KPNA7: variants seen among roughly 807,000 people sequenced by gnomAD.
KPNA7 encodes the protein karyopherin subunit alpha 7.
Under a neutral mutation model 53.7 loss-of-function variants are expected in KPNA7, and 54 were observed. That is an observed-to-expected ratio of 1.01 (90% CI 0.81 to 1.26). KPNA7 has a LOEUF of 1.26. KPNA7 is among the 50% of genes most tolerant of loss of function. The probability of loss-of-function intolerance (pLI) is 0.00; values close to 1 mark genes in which losing one functional copy is unlikely to be tolerated. For missense variants in KPNA7, 640 were observed against 644.5 expected, an observed-to-expected ratio of 0.99 and a Z score of 0.07; for synonymous variants, 276 against 259.3, an observed-to-expected ratio of 1.06 and a Z score of -0.62.
chr7:99,187,774 A>AGC (rs1789675740), intron 7 of KPNA7, among the ~76,000 whole-genome samples: 1 of 140,560 alleles, frequency 7.1e-6, no homozygotes, highest in African/African-American at 2.6e-5. Context: ...TACAGCTGTG[A>AGC]GCCACCGTGC....
intron 8 of KPNA7, among the ~76,000 whole-genome samples, chr7:99,182,587 G>A (rs1430902425): frequency 2.6e-5 from 4 of 151,962 alleles, no homozygotes; most frequent in African/African-American, 2.4e-5. Context: ...CTCCCATCTC[G>A]GCCTCCCAAA....
the KPNA7 span, among the ~76,000 whole-genome samples, chr7:99,164,301 T>C: frequency 3.3e-5 from 5 of 151,860 alleles, no homozygotes; most frequent in African/African-American, 9.7e-5. Flanking sequence ...TGGAATACTA[T>C]GCAGCCATAA....
At chr7:99,173,199 A>T (rs1001403093), downstream of KPNA7, among the ~76,000 whole-genome samples, 11 of 149,786 alleles carry the variant, frequency 7.3e-5, no homozygotes, top group African/African-American at 9.8e-5. Context: ...ATTTTTTATT[A>T]TTTTTTTTGA....
chr7:99,199,447 C>T (rs1027641716), intron 3 of KPNA7, among the ~76,000 whole-genome samples: 14 of 152,166 alleles, frequency 9.2e-5, no homozygotes, highest in Non-Finnish European at 1.9e-4. Flanking sequence ...CCCTCACATT[C>T]ACGGTCAATT....
At chr7:99,213,432 A>T (rs1301928711) in intron 1 of KPNA7, among the ~76,000 whole-genome samples, 7 of 15,144 alleles carry the variant, frequency 4.6e-4, no homozygotes, top group South Asian at 3.5e-3. Context: ...TGGCCTTTTA[A>T]AAAAAAAAAA....
chr7:99,178,054 G>A lies in KPNA7; in HGVS notation c.1330C>T (p.Arg444Trp), dbSNP rs201961379. The A allele has an allele frequency of 1.2e-4, 180 of 1,551,192 alleles. No homozygotes were observed. Among genetic ancestry groups the A allele is most frequent in the Non-Finnish European group, 1.4e-4 (156 of 1,146,854 alleles). Residue 444 changes from arginine (R) to tryptophan (W), a missense_variant, in exon 10 of 11, where the codon CGG becomes TGG. Transcript: ENST00000327442. ...ISCILQAAEK[R>W]SEKENLCLLI... ...AGACACAGGTTTTCCTTCTCAGACC[G>A]TTTCTCTGCCGCCTGTGACCAAGTA...
chr7:99,215,358 C>T (rs562688852), intron 1 of KPNA7, among the ~76,000 whole-genome samples: 152 of 101,028 alleles, frequency 1.5e-3, no homozygotes, highest in Admixed American at 1.9e-3. Flanking sequence ...GGCAACAGAG[C>T]GAGACTGTCT....
At chr7:99,186,759 C>T (rs1789614681) in intron 7 of KPNA7, among the ~76,000 whole-genome samples, 1 of 151,924 alleles carries the variant, frequency 6.6e-6, no homozygotes, top group Non-Finnish European at 1.5e-5. Flanking sequence ...ACAACAACAA[C>T]AACAAAAATG....
At chr7:99,205,937 A>C (rs1584316636) in intron 2 of KPNA7, among the ~76,000 whole-genome samples, 1 of 152,144 alleles carries the variant, frequency 6.6e-6, no homozygotes, top group Admixed American at 6.6e-5. Context: ...TAGAATCCAT[A>C]TACACAGCAC....
chr7:99,181,489 T>G (rs911616105), intron 9 of KPNA7, among the ~76,000 whole-genome samples: 1 of 152,192 alleles, frequency 6.6e-6, no homozygotes, highest in Non-Finnish European at 1.5e-5. Flanking sequence ...TCTTTTTGTG[T>G]TTATCCACAG....
the KPNA7 span, among the ~76,000 whole-genome samples, chr7:99,161,935 C>G: frequency 6.6e-6 from 1 of 151,888 alleles, no homozygotes. Context: ...TTAAAGCAAA[C>G]TGTGCTGCCT....
At chr7:99,188,195 A>AAAAGG in intron 7 of KPNA7, 105 bp downstream of exon 7, 2 of 637,954 alleles carry the variant, frequency 3.1e-6, no homozygotes, top group Non-Finnish European at 4.8e-6. Context: ...AAAAAAAAAA[A>AAAAGG]AAAGCAAAGA....
chr7:99,184,602 T>C (rs1189479465), intron 8 of KPNA7, among the ~76,000 whole-genome samples: 6 of 152,214 alleles, frequency 3.9e-5, no homozygotes, highest in Admixed American at 1.3e-4. Context: ...CTCCACCCTC[T>C]TTTGGTAGGG....
the KPNA7 span, among the ~76,000 whole-genome samples, chr7:99,154,530 CTTT>C: frequency 7.0e-6 from 1 of 142,128 alleles, no homozygotes; most frequent in African/African-American, 2.6e-5. Flanking sequence ...AAACTTAGGT[CTTT>C]TTTTTTTTTT....
the KPNA7 span, among the ~76,000 whole-genome samples, chr7:99,164,926 C>T: frequency 6.6e-6 from 1 of 151,746 alleles, no homozygotes; most frequent in African/African-American, 2.4e-5. Context: ...TGGCAAAACC[C>T]CGTCTGCTAA....
chr7:99,173,393 G>A (rs1798807600), downstream of KPNA7, among the ~76,000 whole-genome samples: 1 of 152,048 alleles, frequency 6.6e-6, no homozygotes, highest in African/African-American at 2.4e-5. Flanking sequence ...GAGTTTCACT[G>A]TGTTGGCCAG....
chr7:99,216,923 C>T (rs1469088649), intron 1 of KPNA7, among the ~76,000 whole-genome samples: 4 of 152,144 alleles, frequency 2.6e-5, no homozygotes, highest in African/African-American at 9.7e-5. Context: ...GTCTTATTAA[C>T]GGTATTGAGT....
In KPNA7 at chr7:99,196,117, G is replaced by C; in HGVS notation, c.251C>G (p.Pro84Arg). The C allele has an allele frequency of 6.4e-7, 1 of 1,551,840 alleles. No individual in the cohort carries two copies. The highest frequency in any genetic ancestry group is 2.4e-5 in the East Asian group (1 of 40,924). ...CTGGGTGGCCTGGAAACATAGGACTGGATCTGAGCTATTCACACCTTTGAT... is the reference window on the plus strand; with the variant it reads ...CTGGGTGGCCTGGAAACATAGGACTCGATCTGAGCTATTCACACCTTTGAT... ...EIIKGVNSSD[P>R]VLCFQATQTA... The change falls in exon 4 of 11, where the codon CCA (proline) becomes CGA (arginine). Residue 84 changes from proline (P) to arginine (R), a missense_variant. Pro to Arg is a moderately radical substitution (Grantham distance 103, BLOSUM62 -2). Coordinates refer to ENST00000327442, the MANE Select transcript of KPNA7 (RefSeq NM_001145715.3).
the KPNA7 span, among the ~76,000 whole-genome samples, chr7:99,148,098 C>T: frequency 6.6e-6 from 1 of 152,016 alleles, no homozygotes; most frequent in African/African-American, 2.4e-5. Flanking sequence ...TCATATTGAA[C>T]TTAAGATATA....
Sources: allele counts gnomAD v4.1 joint callset (sites outside exome capture counted in the v4.1 genomes callset), GRCh38; gene constraint gnomAD v4.1.1; transcripts MANE v1.5; gene names NCBI Gene and HGNC (gene_info 2026-07-23, HGNC 2026-07-21).